NEXN: variants seen among roughly 807,000 people sequenced by gnomAD.
NEXN encodes the protein nexilin.
A neutral mutation model predicts 92.6 loss-of-function variants in NEXN; 65 were observed. The ratio of observed to expected loss-of-function variants is 0.70; its 90% CI spans 0.57 to 0.86. NEXN has a LOEUF of 0.86. NEXN is among the 40% of genes least tolerant of loss of function. The pLI, the probability that NEXN is intolerant of heterozygous loss-of-function variation, is 0.00. For missense variants in NEXN, 778 were observed against 771.1 expected, an observed-to-expected ratio of 1.01 and a Z score of -0.11; for synonymous variants, 254 against 242.5, an observed-to-expected ratio of 1.05 and a Z score of -0.44.
chr1:77,923,955 C>T (rs1357339921), intron 5 of NEXN, among the ~76,000 whole-genome samples: 3 of 151,914 alleles, frequency 2.0e-5, no homozygotes, highest in Admixed American at 1.3e-4. Flanking sequence ...GGATTATAGG[C>T]GTGAGCCATT....
intron 1 of NEXN, among the ~76,000 whole-genome samples, chr1:77,904,120 G>A (rs1445093529): frequency 6.6e-6 from 1 of 151,898 alleles, no homozygotes; most frequent in African/African-American, 2.4e-5. Flanking sequence ...AGCCTTCCTA[G>A]TAGCTGACAT....
intron 1 of NEXN, among the ~76,000 whole-genome samples, chr1:77,911,858 G>A (rs1265988591): frequency 3.3e-5 from 5 of 151,394 alleles, no homozygotes; most frequent in African/African-American, 4.9e-5. Context: ...TGAGGCAGGC[G>A]GATCACAAGG....
chr1:77,918,705 A>G (rs1413215920), intron 5 of NEXN, among the ~76,000 whole-genome samples: 1 of 151,784 alleles, frequency 6.6e-6, no homozygotes, highest in African/African-American at 2.4e-5. Flanking sequence ...ACCTGAAAAG[A>G]TCTGCAGGAA....
chr1:77,939,782 C>A (rs1303134760), intron 11 of NEXN, among the ~76,000 whole-genome samples: 1 of 152,150 alleles, frequency 6.6e-6, no homozygotes, highest in African/African-American at 2.4e-5. Context: ...TATTTAAAAA[C>A]TTGTTAGCGG....
chr1:77,927,602 C>CTGTG (rs1169419339), intron 8 of NEXN, among the ~76,000 whole-genome samples: 29 of 144,794 alleles, frequency 2.0e-4, no homozygotes, highest in East Asian at 5.9e-4. Context: ...GTGTGTGTGT[C>CTGTG]TGTGTGTGTG....
rs373982793 is a variant in NEXN, at chr1:77,926,511, G to T, written c.587G>T (p.Arg196Leu). The change falls in exon 7 of 13, where the codon CGT becomes CTT. Residue 196 changes from arginine (R) to leucine (L), a missense_variant. Physicochemically the swap from Arg to Leu is moderately radical, Grantham distance 102. Around this residue, in one of 3 missense-constraint regions of NEXN, gnomAD observed 236 missense variants for 265.6 expected, o/e 0.89. Transcript: ENST00000334785. The stretch of plus-strand genomic sequence containing the variant: ...AATTTTGAGGATCTAGAAAAAGAAC[G>T]TGAAGAGAAAGAAAGGATCAAGTAC... ...KKNFEDLEKE[R>L]EEKERIKYEE... 6.2e-7 allele frequency: 1 copy of T among 1,612,440 alleles called. No individual in the cohort carries two copies. The highest frequency in any genetic ancestry group is 1.1e-5 in the South Asian group (1 of 90,628).
At chr1:77,898,917 T>A (rs1211443795) in intron 1 of NEXN, among the ~76,000 whole-genome samples, 1 of 152,200 alleles carries the variant, frequency 6.6e-6, no homozygotes, top group Admixed American at 6.5e-5. Context: ...ATGCTCATCA[T>A]CACTGGCCAT....
At chr1:77,919,928 C>T (rs1649290568) in intron 5 of NEXN, among the ~76,000 whole-genome samples, 1 of 147,688 alleles carries the variant, frequency 6.8e-6, no homozygotes, top group African/African-American at 2.5e-5. Context: ...GAGACGGAGT[C>T]TCGCTCTGTC....
chr1:77,942,028 T>A lies in NEXN; in HGVS notation c.1479T>A (p.Asp493Glu). 1 of 1,612,572 alleles carries A rather than the reference T, an allele frequency of 6.2e-7. No individual in the cohort carries two copies. The change falls in exon 12 of 13, where the codon GAT becomes GAA. Residue 493 changes from aspartate (D) to glutamate (E), a missense_variant. Physicochemically the swap from Asp to Glu is conservative, Grantham distance 45. Around this residue, in one of 3 missense-constraint regions of NEXN, gnomAD observed 532 missense variants for 476.7 expected, o/e 1.12. Transcript: ENST00000334785. Reference protein sequence around the residue: ...EREAENFHEEDDVDVRPARKS... With the variant: ...EREAENFHEEEDVDVRPARKS... ...CTTGGCCCACTTTCTTGCAGGAAGA[T>A]GATGTTGATGTTAGGCCTGCAAGAA...
At chr1:77,932,889 G>A (rs955204227) in intron 9 of NEXN, among the ~76,000 whole-genome samples, 3 of 152,176 alleles carry the variant, frequency 2.0e-5, no homozygotes, top group African/African-American at 7.2e-5. Flanking sequence ...AATCTGGCCG[G>A]GTGCGTGGCT....
At chr1:77,918,459 C>T (rs2102095699) in intron 5 of NEXN, among the ~76,000 whole-genome samples, 186 bp downstream of exon 5, 1 of 152,096 alleles carries the variant, frequency 6.6e-6, no homozygotes, top group Middle Eastern at 3.4e-3. Context: ...GGGTGGATCG[C>T]TTCGACATCA....
Position 77,929,266 on chromosome 1 carries a change from C to A in NEXN, c.865-50C>A. ...GTGCCTTTTGATTAATAATTCATTC[C>A]TTTTTCTGATGAACCTCAATTCTTA... On this transcript the variant is annotated intron_variant, in intron 8 of 12. Coordinates refer to ENST00000334785, the MANE Select transcript of NEXN (RefSeq NM_144573.4). The A allele has an allele frequency of 2.2e-6, 3 of 1,346,592 alleles. No individual in the cohort carries two copies. The Admixed American group carries it at 5.1e-5, about 23-fold the overall frequency. 83.4% of individuals were successfully genotyped at this position (1,346,592 alleles called of 1,614,324 possible).
At position 77,926,704 on chromosome 1, in the gene NEXN, A is replaced by G; in HGVS notation, c.688-12A>G. 6.2e-7 allele frequency: 1 copy of G among 1,613,894 alleles called. No individual in the cohort carries two copies. On this transcript the variant is annotated splice_polypyrimidine_tract_variant and intron_variant, in intron 7 of 12. Coordinates refer to ENST00000334785, the MANE Select transcript of NEXN (RefSeq NM_144573.4). Reference sequence around the variant, plus strand: ...TATGACTAAAAGGTGGGTTTTCATAACGTTTTCTTAGGATGATGAAATAGA... The same window carrying G: ...TATGACTAAAAGGTGGGTTTTCATAGCGTTTTCTTAGGATGATGAAATAGA...
At chr1:77,899,559 A>C (rs1250309355) in intron 1 of NEXN, among the ~76,000 whole-genome samples, 1 of 152,130 alleles carries the variant, frequency 6.6e-6, no homozygotes, top group African/African-American at 2.4e-5. Flanking sequence ...CCTAATGCTA[A>C]ATGACGAGTT....
intron 1 of NEXN, among the ~76,000 whole-genome samples, chr1:77,907,673 CAATT>C (rs1349375146): frequency 6.6e-6 from 1 of 152,018 alleles, no homozygotes; most frequent in Non-Finnish European, 1.5e-5. Flanking sequence ...TTTTTAAAAT[CAATT>C]TTATTTTATT....
chr1:77,902,719 C>G (rs1223050629), intron 1 of NEXN, among the ~76,000 whole-genome samples: 1 of 151,696 alleles, frequency 6.6e-6, no homozygotes, highest in Non-Finnish European at 1.5e-5. Flanking sequence ...AAAAAGTAAA[C>G]AAAAAAGATA....
chr1:77,908,104 C>A (rs2102064971), intron 1 of NEXN, among the ~76,000 whole-genome samples: 1 of 152,140 alleles, frequency 6.6e-6, no homozygotes, highest in East Asian at 1.9e-4. Context: ...TAAAGACAGT[C>A]TCATGCTTTG....
At chr1:77,909,909 C>A (rs1020503587) in intron 1 of NEXN, among the ~76,000 whole-genome samples, 27 of 152,166 alleles carry the variant, frequency 1.8e-4, no homozygotes, top group Non-Finnish European at 4.4e-5. Context: ...AGATAACTTA[C>A]ACAACCAATA....
rs755584968 is a variant in NEXN at position 77,918,171 on chromosome 1, G to A, written c.345G>A (p.Glu115=). The A allele has an allele frequency of 2.5e-6, 4 of 1,613,894 alleles. No individual in the cohort carries two copies. Among genetic ancestry groups the A allele is most frequent in the South Asian group, 1.1e-5 (1 of 91,078 alleles). The change falls in exon 5 of 13, where the codon GAG becomes GAA. Residue 115 remains glutamate (E), a synonymous_variant. Transcript: ENST00000334785. ...RFAEMEKQRQ[E]EQRKRTEEER... ...CTGAAATGGAGAAACAAAGACAAGA[G>A]GAACAAAGGAAGAGAACGGAGGAGG... is the stretch of plus-strand genomic sequence containing the variant.
Sources: allele counts gnomAD v4.1 joint callset (sites outside exome capture counted in the v4.1 genomes callset), GRCh38; gene constraint gnomAD v4.1.1; regional missense constraint gnomAD v4.1.1; transcripts MANE v1.5; gene names NCBI Gene and HGNC (gene_info 2026-07-23, HGNC 2026-07-21).